Variants in SETD1B observed in about 807,000 individuals in gnomAD.
SETD1B encodes histone-lysine N-methyltransferase SETD1B.
Under a neutral mutation model 148.0 loss-of-function variants are expected in SETD1B, and 7 were observed. That is an observed-to-expected ratio of 0.05 (90% CI 0.03 to 0.09). SETD1B has a LOEUF of 0.09. Ranked by LOEUF, SETD1B falls within the 10% of genes least tolerant of loss-of-function variation. SETD1B has a pLI of 1.00. For missense variants in SETD1B, 2,155 were observed against 2,729.9 expected, an observed-to-expected ratio of 0.79 and a Z score of 4.69; for synonymous variants, 1,361 against 1,186.5, an observed-to-expected ratio of 1.15 and a Z score of -3.02.
chr12:121,825,377 G>A lies in SETD1B; in HGVS notation c.5337+11G>A, dbSNP rs1459774701. 2 of 1,547,352 alleles carry A rather than the reference G, an allele frequency of 1.3e-6. No individual in the cohort carries two copies. Among genetic ancestry groups the A allele is most frequent in the East Asian group, 4.9e-5 (2 of 40,906 alleles). The stretch of plus-strand genomic sequence containing the variant: ...CCCGCAGACACCCAGGTACTGCCAG[G>A]GCTCCTGGACACATCAGAGCCTGCT... On this transcript the variant is annotated intron_variant, in intron 13 of 16. Coordinates refer to ENST00000604567, the MANE Select transcript of SETD1B (RefSeq NM_001353345.2).
the SETD1B span, chr12:121,794,388 C>G: frequency 6.6e-6 from 1 of 152,228 alleles, no homozygotes; most frequent in African/African-American, 2.4e-5. Context: ...CAGGTTGGCC[C>G]GAAACCACTA....
At chr12:121,828,113 C>T (rs753514443) in intron 16 of SETD1B, 43 bp downstream of exon 16, 1 of 1,544,590 alleles carries the variant, frequency 6.5e-7, no homozygotes, top group South Asian at 1.2e-5. Context: ...TGCTCCTGCC[C>T]CTGGCCCTGC....
At chr12:121,800,874 G>A (rs1269437632), upstream of SETD1B, 2 of 151,796 alleles carry the variant, frequency 1.3e-5, no homozygotes, top group East Asian at 3.9e-4. Flanking sequence ...CTCCTGCTCC[G>A]GGCTCCCCAC....
chr12:121,799,541 C>T (rs1875191772), upstream of SETD1B: 2 of 152,278 alleles, frequency 1.3e-5, no homozygotes, highest in Non-Finnish European at 2.9e-5. Context: ...GTAGGCGGCA[C>T]CCAGGGCCCT....
chr12:121,793,470 C>A, the SETD1B span: 1 of 1,538,736 alleles, frequency 6.5e-7, no homozygotes, highest in Non-Finnish European at 8.7e-7. Flanking sequence ...CCCTCGCCCC[C>A]ACCCCAGCCC....
intron 6 of SETD1B, among the ~76,000 whole-genome samples, chr12:121,812,896 C>A (rs1484736069): frequency 6.6e-6 from 1 of 152,154 alleles, no homozygotes; most frequent in Non-Finnish European, 1.5e-5. Flanking sequence ...GCCTTCCTCA[C>A]CTGTAGTCTG....
chr12:121,821,277 G>T (rs1876554245), intron 11 of SETD1B, among the ~76,000 whole-genome samples: 1 of 152,038 alleles, frequency 6.6e-6, no homozygotes, highest in Non-Finnish European at 1.5e-5. Flanking sequence ...GATGACAACA[G>T]ATCAATTAGA....
chr12:121,794,938 G>C, the SETD1B span, among the ~76,000 whole-genome samples: 3 of 152,200 alleles, frequency 2.0e-5, no homozygotes, highest in Non-Finnish European at 4.4e-5. Flanking sequence ...ATAGGGGCTG[G>C]CAGGACTCAG....
chr12:121,812,597 G>A (rs1243506717), intron 6 of SETD1B, among the ~76,000 whole-genome samples: 1 of 152,112 alleles, frequency 6.6e-6, no homozygotes, highest in Non-Finnish European at 1.5e-5. Context: ...CTGCCTCCCT[G>A]TGATTGGCTG....
Position 121,823,301 on chromosome 12 carries a change from C to A in SETD1B, c.4722C>A (p.Phe1574Leu). The change falls in exon 12 of 17, where the codon TTC becomes TTA. Residue 1574 changes from phenylalanine to leucine, a missense_variant. Physicochemically the swap from Phe to Leu is conservative, Grantham distance 22. This residue lies in a region of SETD1B where 862 missense variants were observed against 873.8 expected (regional missense o/e 0.99). Transcript: ENST00000604567. ...ACCCCCGGACGGTGACCCTGGACTTCCGGAACGCGGGGATCCCAGCCCCTC... is the reference window on the plus strand; with the variant it reads ...ACCCCCGGACGGTGACCCTGGACTTACGGAACGCGGGGATCCCAGCCCCTC... ...THDPRTVTLD[F>L]RNAGIPAPPP... 2.6e-6 allele frequency: 4 copies of A among 1,548,936 alleles called. No homozygotes were observed. Among genetic ancestry groups the A allele is most frequent in the Non-Finnish European group, 3.5e-6 (4 of 1,146,618 alleles).
At chr12:121,812,066 G>A (rs369952963) in intron 6 of SETD1B, among the ~76,000 whole-genome samples, 2 of 152,154 alleles carry the variant, frequency 1.3e-5, no homozygotes, top group Admixed American at 1.3e-4. Flanking sequence ...CTGAGGCCCC[G>A]GGAGCGAGGG....
the SETD1B span, among the ~76,000 whole-genome samples, chr12:121,796,928 C>CT: frequency 6.6e-6 from 1 of 151,922 alleles, no homozygotes; most frequent in African/African-American, 2.4e-5. Context: ...ATCCCAGCTA[C>CT]TCGGAGGCTG....
upstream of SETD1B, chr12:121,799,347 A>AGC (rs1255384360): frequency 6.6e-6 from 1 of 152,256 alleles, no homozygotes; most frequent in African/African-American, 2.4e-5. Context: ...AAGGTGGAGA[A>AGC]GCGTCAAGGA....
Position 121,809,700 on chromosome 12 carries a change from T to C in SETD1B, c.755T>C (p.Phe252Ser). 6.4e-7 allele frequency: 1 copy of C among 1,551,468 alleles called. No individual in the cohort carries two copies. Among genetic ancestry groups the C allele is most frequent in the East Asian group, 2.4e-5 (1 of 40,920 alleles). ...ACCCCCAATAGCGGTGGGACACCCT[T>C]CTCCCAGGACACAGCTTATTCCAGC... ...SVTPNSGGTP[F>S]SQDTAYSSCR... The change falls in exon 6 of 17, where the codon TTC becomes TCC. Residue 252 changes from phenylalanine to serine, a missense_variant. By Grantham distance (155) the Phe-to-Ser change is radical. Coordinates refer to ENST00000604567, the MANE Select transcript of SETD1B (RefSeq NM_001353345.2).
At chr12:121,806,802 G>A (rs1469874186) in intron 4 of SETD1B, among the ~76,000 whole-genome samples, 1 of 152,234 alleles carries the variant, frequency 6.6e-6, no homozygotes, top group Non-Finnish European at 1.5e-5. Context: ...TCTGGAGCTG[G>A]CTGGGGAGGC....
chr12:121,804,955 C>T lies in SETD1B; in HGVS notation c.174+44C>T. 1 of 1,476,872 alleles carries T rather than the reference C, an allele frequency of 6.8e-7. No individual in the cohort carries two copies. The highest frequency in any genetic ancestry group is 2.5e-5 in the Admixed American group (1 of 40,554). The allele number at this position is 1,476,872 out of a possible 1,614,324, so 91.5% of individuals were successfully genotyped here. On this transcript the variant is annotated intron_variant, in intron 2 of 16. Coordinates refer to ENST00000604567, the MANE Select transcript of SETD1B (RefSeq NM_001353345.2). The surrounding 1 kb of genome is among the most constrained non-coding windows in gnomAD (Gnocchi z 4.6). ...CCCCCAGCCGTGCCCCGCGTCGTGT[C>T]CGGGGAGACGCGCCTAGCGGCCAGG...
In SETD1B at chr12:121,830,404, C is replaced by G; in HGVS notation, c.*165C>G. On this transcript the variant is annotated 3_prime_UTR_variant, in exon 17 of 17. Transcript: ENST00000604567. This position sits in a 1 kb window ranked among gnomAD's most constrained non-coding sequence, Gnocchi z 5.7. ...CGCCCCACACTACCCCCTGGAGCCCCTGGCTCCGGCCCCTCCGCGGGAAAG... is the reference window on the plus strand; with the variant it reads ...CGCCCCACACTACCCCCTGGAGCCCGTGGCTCCGGCCCCTCCGCGGGAAAG... 4.9e-6 allele frequency: 3 copies of G among 613,232 alleles called. No homozygotes were observed. The highest frequency in any genetic ancestry group is 8.3e-6 in the Non-Finnish European group (3 of 359,934). The allele number at this position is 613,232 out of a possible 1,614,324, so 38.0% of individuals were successfully genotyped here.
At chr12:121,790,654 C>T in the SETD1B span, among the ~76,000 whole-genome samples, 1 of 152,206 alleles carries the variant, frequency 6.6e-6, no homozygotes, top group Non-Finnish European at 1.5e-5. Flanking sequence ...AGCCAGATCT[C>T]TTCTCCCTGG....
Position 121,814,804 on chromosome 12 carries a change from C to T in SETD1B, c.2589C>T (p.Gly863=), listed in dbSNP as rs921759876. Residue 863 remains glycine, a synonymous_variant, in exon 7 of 17, where the codon GGC becomes GGT. Coordinates refer to ENST00000604567, the MANE Select transcript of SETD1B (RefSeq NM_001353345.2). Reference sequence around the variant, plus strand: ...ACCCACACAAAGCCACGGTGGATGGCGTCCTGCTGGTGGTCCTCAAAGAAC... The same window carrying T: ...ACCCACACAAAGCCACGGTGGATGGTGTCCTGCTGGTGGTCCTCAAAGAAC... ...QEDPHKATVD[G]VLLVVLKELK... is the part of the protein sequence containing the mutation. 46 of 1,551,466 alleles carry T rather than the reference C, an allele frequency of 3.0e-5. No individual in the cohort carries two copies. Among genetic ancestry groups the T allele is most frequent in the African/African-American group, 4.1e-5 (3 of 73,062 alleles).
Sources: allele counts gnomAD v4.1 joint callset (sites outside exome capture counted in the v4.1 genomes callset), GRCh38; gene constraint gnomAD v4.1.1; regional missense constraint gnomAD v4.1.1; non-coding constraint Gnocchi (gnomAD v3.1); transcripts MANE v1.5; gene names NCBI Gene and HGNC (gene_info 2026-07-23, HGNC 2026-07-21).